TNIP3: variants seen among roughly 807,000 people sequenced by gnomAD.
The protein encoded by TNIP3 is TNFAIP3-interacting protein 3.
A neutral mutation model predicts 54.1 loss-of-function variants in TNIP3; 34 were observed. That is an observed-to-expected ratio of 0.63 (90% CI 0.48 to 0.84). The LOEUF is 0.84. TNIP3 is among the 40% of genes least tolerant of loss of function. The pLI is 0.00. For missense variants in TNIP3, 366 were observed against 387.6 expected (o/e 0.94, Z 0.47); for synonymous variants, 134 against 136.8 (o/e 0.98, Z 0.14).
chr4:121,153,795 A>G (rs555006206), intron 5 of TNIP3, among the ~76,000 whole-genome samples: 1 of 152,198 alleles, frequency 6.6e-6, no homozygotes, highest in South Asian at 2.1e-4. Context: ...CCAATCACCT[A>G]CTCTTGTTTC....
chr4:121,180,252 T>G (rs1253838557), intron 3 of TNIP3, among the ~76,000 whole-genome samples: 2 of 151,954 alleles, frequency 1.3e-5, no homozygotes, highest in Non-Finnish European at 2.9e-5. Context: ...TACAAAAAAT[T>G]AGCCAGATGT....
chr4:121,174,216 A>G (rs1008614970), intron 3 of TNIP3, among the ~76,000 whole-genome samples: 4 of 152,080 alleles, frequency 2.6e-5, no homozygotes, highest in Admixed American at 6.5e-5. Flanking sequence ...AGATTTAGAC[A>G]CTATTTTTAA....
intron 1 of TNIP3, among the ~76,000 whole-genome samples, chr4:121,226,719 T>G (rs146554891): frequency 6.6e-6 from 1 of 152,372 alleles, no homozygotes; most frequent in East Asian, 1.9e-4. Flanking sequence ...CCTTGCAGGA[T>G]AGTTTAACTG....
chr4:121,197,797 G>T (rs1020843268), intron 2 of TNIP3, among the ~76,000 whole-genome samples: 1 of 152,034 alleles, frequency 6.6e-6, no homozygotes, highest in African/African-American at 2.4e-5. Flanking sequence ...GAAGATTGTT[G>T]GTATTATTCT....
chr4:121,134,951 G>A (rs1190982019), intron 10 of TNIP3, among the ~76,000 whole-genome samples: 1 of 152,206 alleles, frequency 6.6e-6, no homozygotes, highest in Non-Finnish European at 1.5e-5. Flanking sequence ...TTCCCAGCCT[G>A]AAGGCTGTCG....
At chr4:121,147,288 T>C in intron 6 of TNIP3, 114 bp from the exon 7 acceptor site, 1 of 1,278,194 alleles carries the variant, frequency 7.8e-7, no homozygotes, top group Non-Finnish European at 1.1e-6. Context: ...CCCTCCCAAC[T>C]AGTGTTCAGT....
chr4:121,191,732 C>G (rs1172646713), intron 2 of TNIP3, among the ~76,000 whole-genome samples: 1 of 152,120 alleles, frequency 6.6e-6, no homozygotes, highest in Non-Finnish European at 1.5e-5. Flanking sequence ...TATTTATTAA[C>G]TATGTATTTA....
chr4:121,216,647 G>C (rs1431787673), upstream of TNIP3: 3 of 1,435,548 alleles, frequency 2.1e-6, no homozygotes, highest in East Asian at 2.6e-5. Context: ...TTTCAGCCCT[G>C]CCAGACCTGA....
chr4:121,143,475 C>T (rs960671350), intron 7 of TNIP3, among the ~76,000 whole-genome samples: 3 of 152,152 alleles, frequency 2.0e-5, no homozygotes, highest in Non-Finnish European at 4.4e-5. Context: ...CTGAATGATA[C>T]CTTTCCAAGT....
intron 3 of TNIP3, among the ~76,000 whole-genome samples, chr4:121,158,319 C>A (rs139901436): frequency 6.9e-4 from 105 of 152,182 alleles, no homozygotes; most frequent in African/African-American, 2.2e-3. Flanking sequence ...GCTAACCTGG[C>A]GTAAACAGTA....
chr4:121,139,658 A>G (rs1167654684), intron 9 of TNIP3, among the ~76,000 whole-genome samples: 1 of 152,240 alleles, frequency 6.6e-6, no homozygotes, highest in Non-Finnish European at 1.5e-5. Context: ...CAATTACTCA[A>G]TAAGACACTG....
rs996516582 is a variant in TNIP3, at chr4:121,132,765, A to G, written c.947-103T>C. 5 of 1,000,970 alleles carry G rather than the reference A, an allele frequency of 5.0e-6. No individual in the cohort carries two copies. The African/African-American group carries it at 8.3e-5, about 17-fold the overall frequency. 62.0% of individuals were successfully genotyped at this position (1,000,970 alleles called of 1,614,324 possible). A position where few individuals can be genotyped will look rare whatever the true frequency, so the allele number is the denominator to read the frequency against. On this transcript the variant is annotated intron_variant, in intron 10 of 10. Transcript: ENST00000057513. The stretch of plus-strand genomic sequence containing the variant: ...AAAGTTCCAGGATGGCAAAAAAAAA[A>G]AAAAGTTATGTTATATTCATAAGCT...
At chr4:121,177,603 G>C (rs1188391003) in intron 3 of TNIP3, among the ~76,000 whole-genome samples, 1 of 152,118 alleles carries the variant, frequency 6.6e-6, no homozygotes, top group Admixed American at 6.5e-5. Flanking sequence ...CCAATTTCCT[G>C]CTCCTGGAAA....
intron 3 of TNIP3, among the ~76,000 whole-genome samples, chr4:121,173,762 G>A (rs552476795): frequency 1.3e-5 from 2 of 152,234 alleles, no homozygotes; most frequent in Admixed American, 1.3e-4. Context: ...CCGAGCAGCT[G>A]GGGTTACAGG....
intron 2 of TNIP3, among the ~76,000 whole-genome samples, chr4:121,194,891 G>A (rs543936299): frequency 5.9e-4 from 90 of 152,240 alleles, no homozygotes; most frequent in South Asian, 1.7e-3. Context: ...TTCTCAGCAG[G>A]GTAGAGTGGC....
intron 3 of TNIP3, among the ~76,000 whole-genome samples, chr4:121,180,317 A>G (rs9284633): frequency 0.35 from 52,371 of 151,766 alleles, 10,933 homozygotes; most frequent in African/African-American, 0.59. Flanking sequence ...GGAGAATGGC[A>G]TGAACTCAGG....
At chr4:121,191,491 T>A (rs1725306419) in intron 2 of TNIP3, among the ~76,000 whole-genome samples, 1 of 152,234 alleles carries the variant, frequency 6.6e-6, no homozygotes, top group African/African-American at 2.4e-5. Context: ...TATTTTACAG[T>A]TGTGTCTATG....
At chr4:121,165,659 T>TTG (rs67730856), upstream of TNIP3, among the ~76,000 whole-genome samples, 28,948 of 146,652 alleles carry the variant, frequency 0.2, 2,798 homozygotes, top group Middle Eastern at 0.27. Context: ...TTTTGCTAGT[T>TTG]TGTGTGTGTG....
upstream of TNIP3, among the ~76,000 whole-genome samples, chr4:121,166,649 C>T (rs1224489263): frequency 6.6e-6 from 1 of 152,214 alleles, no homozygotes; most frequent in Non-Finnish European, 1.5e-5. Context: ...AGTCACTGGT[C>T]TATAACCATC....
Sources: allele counts gnomAD v4.1 joint callset (sites outside exome capture counted in the v4.1 genomes callset), GRCh38; gene constraint gnomAD v4.1.1; transcripts MANE v1.5; gene names NCBI Gene and HGNC (gene_info 2026-07-23, HGNC 2026-07-21).